CDYL2: variants seen among roughly 807,000 people sequenced by gnomAD.
CDYL2 encodes the protein chromodomain Y-like protein 2.
A neutral mutation model predicts 49.4 loss-of-function variants in CDYL2; 23 were observed. That is an observed-to-expected ratio of 0.47 (90% CI 0.34 to 0.66). The LOEUF is 0.66. CDYL2 is among the 30% of genes least tolerant of loss of function. CDYL2 has a pLI of 0.01. For missense variants in CDYL2, 678 were observed against 656.4 expected, an observed-to-expected ratio of 1.03 and a Z score of -0.36; for synonymous variants, 360 against 268.8, an observed-to-expected ratio of 1.34 and a Z score of -3.32.
Position 80,608,197 on chromosome 16 carries a change from G to A in CDYL2, c.1257C>T (p.Ala419=), listed in dbSNP as rs775458776. The change falls in exon 6 of 7, where the codon GCC becomes GCT. Residue 419 remains alanine (A), a synonymous_variant. Transcript: ENST00000570137. ...EMLFCGRKLT[A]QEACSRGLVS... is the part of the protein sequence containing the mutation. ...CCAGCCCCCTGCTGCAGGCCTCCTG[G>A]GCGGTGAGCTTCCGCCCACAGAACA... The A allele has an allele frequency of 1.5e-5, 24 of 1,595,380 alleles. No homozygotes were observed. The South Asian group carries it at 2.6e-4, about 17-fold the overall frequency.
At chr16:80,699,168 A>C (rs1904288584) in intron 1 of CDYL2, among the ~76,000 whole-genome samples, 1 of 152,238 alleles carries the variant, frequency 6.6e-6, no homozygotes, top group African/African-American at 2.4e-5. Context: ...ATATATCCAA[A>C]GGAAGGAAAA....
intron 1 of CDYL2, among the ~76,000 whole-genome samples, chr16:80,729,187 T>C (rs1216441629): frequency 2.0e-5 from 3 of 152,214 alleles, no homozygotes; most frequent in African/African-American, 7.2e-5. Context: ...CCCTTCAGTG[T>C]GTTGTATTCA....
chr16:80,622,608 A>C (rs1907130494), intron 3 of CDYL2, among the ~76,000 whole-genome samples: 1 of 152,142 alleles, frequency 6.6e-6, no homozygotes, highest in African/African-American at 2.4e-5. Flanking sequence ...GGTATGGTGG[A>C]CACTCAGTAT....
chr16:80,763,179 G>C (rs373749543), intron 1 of CDYL2, among the ~76,000 whole-genome samples: 1 of 53,648 alleles, frequency 1.9e-5, no homozygotes, highest in Non-Finnish European at 3.9e-5. Context: ...CAGAAGCAAC[G>C]ATTCAGCATT....
At chr16:80,716,791 G>A (rs1409502698) in intron 1 of CDYL2, among the ~76,000 whole-genome samples, 3 of 151,896 alleles carry the variant, frequency 2.0e-5, no homozygotes, top group African/African-American at 7.3e-5. Context: ...CTGGATGGAT[G>A]ATAATGGAGG....
At chr16:80,682,720 C>T (rs571764876) in intron 2 of CDYL2, among the ~76,000 whole-genome samples, 14 of 152,322 alleles carry the variant, frequency 9.2e-5, no homozygotes, top group African/African-American at 3.4e-4. Context: ...AAAATCTCCC[C>T]TCGCCACCCT....
At chr16:80,733,706 A>G (rs1905414858) in intron 1 of CDYL2, among the ~76,000 whole-genome samples, 1 of 152,212 alleles carries the variant, frequency 6.6e-6, no homozygotes, top group South Asian at 2.1e-4. Flanking sequence ...CTAAAGATAA[A>G]GTAATGCAGT....
At chr16:80,695,536 T>G (rs578003016) in intron 1 of CDYL2, among the ~76,000 whole-genome samples, 1 of 152,046 alleles carries the variant, frequency 6.6e-6, no homozygotes, top group African/African-American at 2.4e-5. Flanking sequence ...CACAAACAGA[T>G]TGAAAGTGAA....
intron 1 of CDYL2, among the ~76,000 whole-genome samples, chr16:80,749,390 T>C (rs1597114317): frequency 1.3e-5 from 2 of 152,216 alleles, no homozygotes; most frequent in Non-Finnish European, 2.9e-5. Context: ...TTTTCATATA[T>C]GCCTGGAATA....
At chr16:80,712,198 T>C (rs1021465000) in intron 1 of CDYL2, among the ~76,000 whole-genome samples, 7 of 120,424 alleles carry the variant, frequency 5.8e-5, no homozygotes, top group African/African-American at 1.9e-4. Flanking sequence ...TGTGTATATA[T>C]ATATATATAT....
chr16:80,637,951 A>G (rs1405066576), intron 2 of CDYL2, among the ~76,000 whole-genome samples: 1 of 152,262 alleles, frequency 6.6e-6, no homozygotes, highest in Non-Finnish European at 1.5e-5. Flanking sequence ...CAAAACAGGA[A>G]ATACGTAGAT....
intron 1 of CDYL2, among the ~76,000 whole-genome samples, chr16:80,737,110 G>C (rs749885924): frequency 2.0e-5 from 3 of 152,156 alleles, no homozygotes; most frequent in African/African-American, 7.2e-5. Flanking sequence ...CAGCCTGTAG[G>C]AAAACTGAGG....
intron 2 of CDYL2, among the ~76,000 whole-genome samples, chr16:80,673,392 T>C (rs1481377127): frequency 6.6e-6 from 1 of 152,206 alleles, no homozygotes; most frequent in African/African-American, 2.4e-5. Flanking sequence ...TTTCCAGTTA[T>C]ATCAAAGTCC....
At chr16:80,804,938 G>A (rs1014801704), upstream of CDYL2, among the ~76,000 whole-genome samples, 3 of 152,092 alleles carry the variant, frequency 2.0e-5, no homozygotes, top group Non-Finnish European at 2.9e-5. Context: ...CGCCGCCTGG[G>A]AGACCTGGCC....
In CDYL2 at chr16:80,599,993, C is replaced by A. The variant is rs1477012558; in HGVS notation, c.*4395G>T. On this transcript the variant is annotated 3_prime_UTR_variant, in exon 7 of 7. Transcript: ENST00000570137. ...GGCTTACGTTGCATGGAGGAAACAA[C>A]CCGTATTACCCTTTTTAAATTTTTT... The A allele has an allele frequency of 1.3e-5, 2 of 152,188 alleles. No homozygotes were observed. The highest frequency in any genetic ancestry group is 4.8e-5 in the African/African-American group (2 of 41,424). The allele number at this position is 152,188 out of a possible 1,614,324, so 9.4% of individuals were successfully genotyped here. A position where few individuals can be genotyped will look rare whatever the true frequency, so the allele number is the denominator to read the frequency against.
rs557504600 is a variant in CDYL2 at position 80,675,627 on chromosome 16, T to C, written c.616+8911A>G. Among the ~76,000 whole-genome samples, 17 of 151,326 alleles carry C rather than the reference T, an allele frequency of 1.1e-4. No homozygotes were observed. The East Asian group carries it at 3.1e-3, about 28-fold the overall frequency. ...GTGGCTTTTCACCGACATTAGGAGGTGAAGTTTTATTATTGTTTTGGAACC... is the reference window on the plus strand; with the variant it reads ...GTGGCTTTTCACCGACATTAGGAGGCGAAGTTTTATTATTGTTTTGGAACC... On this transcript the variant is annotated intron_variant, in intron 2 of 6. Transcript: ENST00000570137.
At chr16:80,657,446 T>A (rs1223118176) in intron 2 of CDYL2, among the ~76,000 whole-genome samples, 1 of 152,030 alleles carries the variant, frequency 6.6e-6, no homozygotes, top group African/African-American at 2.4e-5. Context: ...AGACCAAAAA[T>A]TCCTTCAGGA....
At chr16:80,779,148 G>C (rs569516723) in intron 1 of CDYL2, among the ~76,000 whole-genome samples, 4 of 151,970 alleles carry the variant, frequency 2.6e-5, no homozygotes, top group African/African-American at 9.6e-5. Context: ...TGAGAAAGAA[G>C]CACAAAAATA....
intron 1 of CDYL2, among the ~76,000 whole-genome samples, chr16:80,730,981 G>T (rs6564788): frequency 7.3e-4 from 111 of 152,176 alleles, no homozygotes; most frequent in African/African-American, 2.6e-3. Flanking sequence ...AGATTACAAG[G>T]AGGCAAGAGG....
Sources: allele counts gnomAD v4.1 joint callset (sites outside exome capture counted in the v4.1 genomes callset), GRCh38; gene constraint gnomAD v4.1.1; transcripts MANE v1.5; gene names NCBI Gene and HGNC (gene_info 2026-07-23, HGNC 2026-07-21).